Variants in CNTNAP5 observed in about 807,000 individuals in gnomAD.
CNTNAP5 encodes contactin associated protein family member 5.
In CNTNAP5, 72 loss-of-function variants were observed where a neutral mutation model predicts 150.2. The ratio of observed to expected loss-of-function variants is 0.48; its 90% CI spans 0.40 to 0.58. The LOEUF (loss-of-function observed/expected upper bound fraction) is 0.58, where lower values mean the gene tolerates loss of function less well. Among genes scored for constraint, CNTNAP5 ranks in the 20% least tolerant of loss-of-function variants. CNTNAP5 has a pLI of 0.00. For missense variants in CNTNAP5, 1,636 were observed against 1,626.2 expected, an observed-to-expected ratio of 1.01 and a Z score of -0.10; for synonymous variants, 672 against 619.8, an observed-to-expected ratio of 1.08 and a Z score of -1.25.
At chr2:124,666,743 G>T (rs183381707) in intron 13 of CNTNAP5, among the ~76,000 whole-genome samples, 1 of 152,234 alleles carries the variant, frequency 6.6e-6, no homozygotes, top group East Asian at 1.9e-4. Context: ...TCTGGCAGCT[G>T]GCCAGTGAGG....
At chr2:124,341,733 T>C (rs889510604) in intron 3 of CNTNAP5, among the ~76,000 whole-genome samples, 2 of 152,090 alleles carry the variant, frequency 1.3e-5, no homozygotes, top group Admixed American at 6.6e-5. Context: ...AATTTCTAGA[T>C]TTGAGTATGA....
At chr2:124,258,664 G>A (rs1319164486) in intron 3 of CNTNAP5, among the ~76,000 whole-genome samples, 1 of 152,086 alleles carries the variant, frequency 6.6e-6, no homozygotes, top group Non-Finnish European at 1.5e-5. Flanking sequence ...TAGGGACATA[G>A]GCAGTTGTGA....
In CNTNAP5 at chr2:124,456,697, T is replaced by C. The variant is rs978612137; in HGVS notation, c.918+9760T>C. Among the ~76,000 whole-genome samples the C allele has an allele frequency of 3.3e-5, 5 of 152,194 alleles. No homozygotes were observed. The South Asian group carries it at 8.3e-4, about 25-fold the overall frequency. ...TAAGGCCATAGTAACCAAAACAGCATGGTACTGGAAGAAAAACAGGCACAT... is the reference window on the plus strand; with the variant it reads ...TAAGGCCATAGTAACCAAAACAGCACGGTACTGGAAGAAAAACAGGCACAT... On this transcript the variant is annotated intron_variant, in intron 6 of 23. Coordinates refer to ENST00000682447, the MANE Select transcript of CNTNAP5 (RefSeq NM_001367498.1).
Position 124,074,520 on chromosome 2 carries a change from T to C in CNTNAP5, c.82+48788T>C, listed in dbSNP as rs559008085. Among the ~76,000 whole-genome samples, 7 of 152,044 alleles carry C rather than the reference T, an allele frequency of 4.6e-5. No homozygotes were observed. The South Asian group carries it at 1.5e-3, about 32-fold the overall frequency. On this transcript the variant is annotated intron_variant, in intron 1 of 23. Transcript: ENST00000682447. Reference sequence around the variant, plus strand: ...AAACCATTATTTTAAAGGGAGCAAGTGAGAACAAGGAGAGGAATAATGTCA... The same window carrying C: ...AAACCATTATTTTAAAGGGAGCAAGCGAGAACAAGGAGAGGAATAATGTCA...
chr2:124,154,955 T>C (rs1684487933), intron 1 of CNTNAP5, among the ~76,000 whole-genome samples: 1 of 152,080 alleles, frequency 6.6e-6, no homozygotes, highest in Non-Finnish European at 1.5e-5. Context: ...GGACTGAAAA[T>C]TCTTGTTCAA....
chr2:124,034,139 A>G (rs558244917), intron 1 of CNTNAP5, among the ~76,000 whole-genome samples: 14 of 152,314 alleles, frequency 9.2e-5, no homozygotes, highest in Admixed American at 5.9e-4. Flanking sequence ...AGAAGGGCAT[A>G]TGTCACACAG....
At chr2:124,296,590 T>C (rs1004296115) in intron 3 of CNTNAP5, among the ~76,000 whole-genome samples, 1 of 152,228 alleles carries the variant, frequency 6.6e-6, no homozygotes, top group African/African-American at 2.4e-5. Flanking sequence ...ACTTTTGTCA[T>C]TCATGCTTTT....
intron 13 of CNTNAP5, among the ~76,000 whole-genome samples, chr2:124,727,530 G>A (rs191667288): frequency 1.3e-5 from 2 of 151,882 alleles, no homozygotes; most frequent in East Asian, 3.9e-4. Context: ...CAGGTCTTAC[G>A]CTTCCATGGT....
intron 13 of CNTNAP5, among the ~76,000 whole-genome samples, chr2:124,719,624 G>T (rs564688846): frequency 5.3e-5 from 8 of 152,090 alleles, no homozygotes; most frequent in African/African-American, 1.9e-4. Context: ...CACTGGCTAC[G>T]TAATAGTTTC....
At chr2:124,079,177 G>A (rs549152346) in intron 1 of CNTNAP5, among the ~76,000 whole-genome samples, 4 of 152,272 alleles carry the variant, frequency 2.6e-5, no homozygotes, top group South Asian at 2.1e-4. Context: ...CACCTGTTAC[G>A]TTAGTCCAGT....
At chr2:124,428,317 C>T (rs1692290122) in intron 4 of CNTNAP5, among the ~76,000 whole-genome samples, 1 of 152,220 alleles carries the variant, frequency 6.6e-6, no homozygotes, top group Non-Finnish European at 1.5e-5. Flanking sequence ...ACACAGTGCT[C>T]ACCTCCTTCC....
Position 124,828,241 on chromosome 2 carries a change from C to T in CNTNAP5, c.3217+29921C>T, listed in dbSNP as rs927818824. 2.0e-5 allele frequency among the ~76,000 whole-genome samples: 3 copies of T among 152,032 alleles called. No individual in the cohort carries two copies. The East Asian group carries it at 5.8e-4, about 29-fold the overall frequency. ...TCACACCTCTAATCTCAGCACTTTG[C>T]GAGGCCGAGACGGGCGGATCACGAG... On this transcript the variant is annotated intron_variant, in intron 19 of 23. Transcript: ENST00000682447.
At chr2:124,591,762 T>C (rs1203350872) in intron 11 of CNTNAP5, among the ~76,000 whole-genome samples, 1 of 152,184 alleles carries the variant, frequency 6.6e-6, no homozygotes, top group Non-Finnish European at 1.5e-5. Flanking sequence ...GATTACTTTA[T>C]AATTACAAGC....
chr2:124,307,739 AAAG>A (rs1162348160), intron 3 of CNTNAP5, among the ~76,000 whole-genome samples: 3 of 152,206 alleles, frequency 2.0e-5, no homozygotes, highest in East Asian at 3.9e-4. Context: ...GGTTTCAAGC[AAAG>A]AAGAAGAGAT....
chr2:124,614,644 G>T (rs1160045153), intron 12 of CNTNAP5, among the ~76,000 whole-genome samples: 1 of 152,084 alleles, frequency 6.6e-6, no homozygotes, highest in Admixed American at 6.6e-5. Flanking sequence ...CTCTTAGCAT[G>T]CTGAGGCTAT....
intron 13 of CNTNAP5, among the ~76,000 whole-genome samples, chr2:124,654,367 A>T (rs1678395387): frequency 1.3e-5 from 2 of 152,198 alleles, no homozygotes; most frequent in Admixed American, 1.3e-4. Context: ...TCATATGAAT[A>T]ATTTGCTAAG....
chr2:124,417,180 C>T (rs116676266), intron 3 of CNTNAP5, among the ~76,000 whole-genome samples: 6 of 151,988 alleles, frequency 3.9e-5, no homozygotes, highest in African/African-American at 1.2e-4. Flanking sequence ...CCTCATGACC[C>T]GCTTGCCTCA....
chr2:124,321,547 A>C (rs531722080), intron 3 of CNTNAP5, among the ~76,000 whole-genome samples: 1 of 152,318 alleles, frequency 6.6e-6, no homozygotes, highest in East Asian at 1.9e-4. Flanking sequence ...AAATTCCACT[A>C]TGAATTTTTT....
At chr2:124,909,826 CATATATATATAT>C (rs368913883) in intron 22 of CNTNAP5, among the ~76,000 whole-genome samples, 14 of 74,622 alleles carry the variant, frequency 1.9e-4, no homozygotes, top group South Asian at 6.5e-4. Context: ...CAATTGGTGA[CATATATATATAT>C]ATATATATAT....
Sources: gnomAD v4.1 joint callset for allele counts (sites outside exome capture counted in the v4.1 genomes callset) on GRCh38, gnomAD v4.1.1 for gene constraint, MANE v1.5 for transcripts, NCBI Gene and HGNC (gene_info 2026-07-23, HGNC 2026-07-21) for gene names.